FGD6: variants seen among roughly 807,000 people sequenced by gnomAD.
FGD6 encodes the protein FYVE, RhoGEF and PH domain containing 6.
A neutral mutation model predicts 149.4 loss-of-function variants in FGD6; 90 were observed. That is an observed-to-expected ratio of 0.60 (90% confidence interval 0.51 to 0.72). The LOEUF (loss-of-function observed/expected upper bound fraction) is 0.72, where lower values mean the gene tolerates loss of function less well. Among genes scored for constraint, FGD6 ranks in the 30% least tolerant of loss-of-function variants. FGD6 has a pLI of 0.00. For missense variants in FGD6, 1,437 were observed against 1,684.8 expected (o/e 0.85, Z 2.57); for synonymous variants, 527 against 584.0 (o/e 0.90, Z 1.41).
chr12:95,168,136 A>G (rs549610122), intron 3 of FGD6, among the ~76,000 whole-genome samples: 10 of 152,310 alleles, frequency 6.6e-5, no homozygotes, highest in African/African-American at 2.2e-4. Context: ...TTAAAAAATT[A>G]CTCGACCAAG....
rs35510034 is a variant in FGD6 at position 95,138,205 on chromosome 12, A to AAAATAAATAAATAAAT, written c.2838-543_2838-528dup. On this transcript the variant is annotated intron_variant, in intron 6 of 20. Transcript: ENST00000343958. ...GGCAACAGAGCAAGATTCTGTCTCA[A>AAAATAAATAAATAAAT]AAATAAATAAATAAATAAATAAATA... is the stretch of plus-strand genomic sequence containing the variant. 1.8e-3 allele frequency among the ~76,000 whole-genome samples: 249 copies of AAAATAAATAAATAAAT among 136,042 alleles called. 1 individual carries two copies. Among genetic ancestry groups the AAAATAAATAAATAAAT allele is most frequent in the African/African-American group, 5.7e-3 (201 of 35,340 alleles). 89.2% of individuals were successfully genotyped at this position (136,042 alleles called of 152,430 possible). A position where few individuals can be genotyped will look rare whatever the true frequency, so the allele number is the denominator to read the frequency against.
At chr12:95,136,592 T>G (rs1037569248) in intron 7 of FGD6, among the ~76,000 whole-genome samples, 3 of 152,234 alleles carry the variant, frequency 2.0e-5, no homozygotes, top group Non-Finnish European at 4.4e-5. Flanking sequence ...ACACATGCTC[T>G]GAACAGGTTA....
intron 18 of FGD6, among the ~76,000 whole-genome samples, chr12:95,088,457 G>C (rs1239318948): frequency 6.6e-6 from 1 of 152,134 alleles, no homozygotes; most frequent in Admixed American, 6.5e-5. Flanking sequence ...GGCTCTAAAT[G>C]TAATTCTAAA....
rs12314664 is a variant in FGD6, at chr12:95,093,250, T to C, written c.3601-405A>G. 9.6e-3 allele frequency among the ~76,000 whole-genome samples: 1,458 copies of C among 151,164 alleles called. 23 individuals are homozygous for C. Among genetic ancestry groups the C allele is most frequent in the African/African-American group, 0.033 (1,342 of 41,194 alleles). On this transcript the variant is annotated intron_variant, in intron 15 of 20. Transcript: ENST00000343958. ...AACAAACAAACAAAAAAGATGGGGA[T>C]AAAATATGGGCCATTGGCTGGGCAT... is the stretch of plus-strand genomic sequence containing the variant.
chr12:95,107,042 AAGT>A lies in FGD6; in HGVS notation c.3334-8_3334-6del. On this transcript the variant is annotated splice_region_variant and splice_polypyrimidine_tract_variant and intron_variant, in intron 12 of 20. Transcript: ENST00000343958. ...ATACAGCAGGGCATCATTAAACTGAAAGTAGAAACATTTCAGGGGAGAAAGTAA... is the reference window on the plus strand; with the variant it reads ...ATACAGCAGGGCATCATTAAACTGAAAGAAACATTTCAGGGGAGAAAGTAA... 1 of 1,604,090 alleles carries A rather than the reference AAGT, an allele frequency of 6.2e-7. No individual in the cohort carries two copies. The highest frequency in any genetic ancestry group is 8.5e-7 in the Non-Finnish European group (1 of 1,175,230).
At chr12:95,186,210 G>T (rs550994550) in intron 2 of FGD6, among the ~76,000 whole-genome samples, 2 of 132,128 alleles carry the variant, frequency 1.5e-5, no homozygotes, top group African/African-American at 5.5e-5. Flanking sequence ...AGCTAAGAAT[G>T]CTTCTTATAT....
rs1285698984 is a variant in FGD6, at chr12:95,209,770, G to A, written c.1514C>T (p.Pro505Leu). 5 of 1,613,580 alleles carry A rather than the reference G, an allele frequency of 3.1e-6. No homozygotes were observed. Among genetic ancestry groups the A allele is most frequent in the South Asian group, 2.2e-5 (2 of 90,934 alleles). ...VPKKPQRHSL[P>L]ATGVLKKAAS... Reference sequence around the variant, plus strand: ...AGCCTTTTTAAGCACTCCTGTAGCAGGCAAGCTATGTCTTTGAGGTTTTTT... The same window carrying A: ...AGCCTTTTTAAGCACTCCTGTAGCAAGCAAGCTATGTCTTTGAGGTTTTTT... Residue 505 changes from proline (P) to leucine (L), a missense_variant, in exon 2 of 21, where the codon CCT becomes CTT. Around this residue, in one of 2 missense-constraint regions of FGD6, gnomAD observed 1,055 missense variants for 1,146.0 expected, o/e 0.92. Coordinates refer to ENST00000343958, the MANE Select transcript of FGD6 (RefSeq NM_018351.4).
At chr12:95,120,622 G>A (rs921223541) in intron 8 of FGD6, among the ~76,000 whole-genome samples, 1 of 152,022 alleles carries the variant, frequency 6.6e-6, no homozygotes, top group African/African-American at 2.4e-5. Flanking sequence ...CGGAGGCAGA[G>A]GTTGCAGTGA....
intron 5 of FGD6, among the ~76,000 whole-genome samples, chr12:95,147,596 G>A (rs1349747175): frequency 6.6e-6 from 1 of 152,086 alleles, no homozygotes; most frequent in Non-Finnish European, 1.5e-5. Flanking sequence ...TATACAGCAT[G>A]GTAGAGATTT....
At chr12:95,115,328 C>T (rs55880537) in intron 8 of FGD6, among the ~76,000 whole-genome samples, 15,450 of 151,794 alleles carry the variant, frequency 0.1, 1,139 homozygotes, top group African/African-American at 0.2. Flanking sequence ...GCCTCAAATT[C>T]CTGGACTCAA....
At position 95,191,767 on chromosome 12, in the gene FGD6, C is replaced by T. The variant is rs1881595162; in HGVS notation, c.2441+17076G>A. ...ATTTATTATTATTTTGAGACAGTTT[C>T]GTTCTTGTTGCCCAGGCTGGAGTGC... On this transcript the variant is annotated intron_variant, in intron 2 of 20. Transcript: ENST00000343958. Among the ~76,000 whole-genome samples the T allele has an allele frequency of 2.0e-5, 3 of 152,080 alleles. No individual in the cohort carries two copies. In the South Asian group the frequency reaches 6.2e-4, roughly 32 times the overall value.
chr12:95,211,022 C>G lies in FGD6; in HGVS notation c.262G>C (p.Glu88Gln), dbSNP rs1444237387. ...TTACAATTAAAGTTGTCAGTGCTTT[C>G]AGCTAATTCCTGTTTATGCCCTTCC... The part of the protein sequence containing the change: ...NLEGHKQELA[E>Q]STDNFNCKYE... The change falls in exon 2 of 21, where the codon GAA becomes CAA. Residue 88 changes from glutamate (E) to glutamine (Q), a missense_variant. Physicochemically the swap from Glu to Gln is conservative, Grantham distance 29. Transcript: ENST00000343958. 1 of 1,613,974 alleles carries G rather than the reference C, an allele frequency of 6.2e-7. No individual in the cohort carries two copies. The highest frequency in any genetic ancestry group is 1.3e-5 in the African/African-American group (1 of 74,928).
At chr12:95,132,189 C>T (rs1163442799) in intron 8 of FGD6, among the ~76,000 whole-genome samples, 2 of 152,100 alleles carry the variant, frequency 1.3e-5, no homozygotes, top group Admixed American at 6.6e-5. Flanking sequence ...TTCTCACTGT[C>T]ACCCGGGCTG....
chr12:95,164,236 T>C (rs1449734851), intron 3 of FGD6, among the ~76,000 whole-genome samples: 1 of 152,080 alleles, frequency 6.6e-6, no homozygotes, highest in Non-Finnish European at 1.5e-5. Flanking sequence ...TCTTTTTTTT[T>C]TTTTCCTTCC....
chr12:95,113,819 G>T, intron 8 of FGD6, 118 bp from the exon 9 acceptor site: 1 of 554,136 alleles, frequency 1.8e-6, no homozygotes, highest in Non-Finnish European at 3.1e-6. Context: ...AGTCCAACTT[G>T]TGCTAACTTT....
intron 8 of FGD6, among the ~76,000 whole-genome samples, chr12:95,133,076 C>T (rs971759308): frequency 4.6e-5 from 7 of 152,150 alleles, no homozygotes; most frequent in African/African-American, 1.7e-4. Flanking sequence ...ATTCAGTTGG[C>T]TTTATGTCAT....
At chr12:95,171,023 C>T (rs1880973054) in intron 3 of FGD6, among the ~76,000 whole-genome samples, 1 of 152,182 alleles carries the variant, frequency 6.6e-6, no homozygotes, top group Non-Finnish European at 1.5e-5. Context: ...TAAATGATCA[C>T]TGAGCTATTA....
intron 3 of FGD6, among the ~76,000 whole-genome samples, chr12:95,162,332 G>A (rs1592858490): frequency 6.6e-6 from 1 of 152,052 alleles, no homozygotes; most frequent in African/African-American, 2.4e-5. Flanking sequence ...AGACCAACCT[G>A]GCCAACATGG....
intron 15 of FGD6, 48 bp from the exon 16 acceptor site, chr12:95,092,893 CT>C (rs1397885784): frequency 6.4e-7 from 1 of 1,558,864 alleles, no homozygotes; most frequent in East Asian, 2.4e-5. Flanking sequence ...CACTGCCTGC[CT>C]TTTTATTCGG....
Sources: allele counts gnomAD v4.1 joint callset (sites outside exome capture counted in the v4.1 genomes callset), GRCh38; gene constraint gnomAD v4.1.1; regional missense constraint gnomAD v4.1.1; transcripts MANE v1.5; gene names NCBI Gene and HGNC (gene_info 2026-07-23, HGNC 2026-07-21).